The following IL19 variants were observed in gnomAD, a reference collection of about 807,000 sequenced individuals.
The protein encoded by IL19 is interleukin 19.
Under a neutral mutation model 19.5 loss-of-function variants are expected in IL19, and 15 were observed. The observed-to-expected ratio is 0.77, with a 90% CI of 0.52 to 1.19. The LOEUF is 1.19. IL19 is among the 50% of genes most tolerant of loss of function. The probability of loss-of-function intolerance (pLI) is 0.00; values close to 1 mark genes in which losing one functional copy is unlikely to be tolerated. For missense variants in IL19, 199 were observed against 213.1 expected, an observed-to-expected ratio of 0.93 and a Z score of 0.41; for synonymous variants, 78 against 78.3, an observed-to-expected ratio of 1.00 and a Z score of 0.02.
intron 1 of IL19, among the ~76,000 whole-genome samples, chr1:206,777,870 G>A (rs1359352543): frequency 6.6e-6 from 1 of 152,228 alleles, no homozygotes; most frequent in Non-Finnish European, 1.5e-5. Context: ...CCTCGAATAA[G>A]CTTCCTCAGC....
At chr1:206,796,868 A>T (rs1675537379) in intron 1 of IL19, among the ~76,000 whole-genome samples, 1 of 152,148 alleles carries the variant, frequency 6.6e-6, no homozygotes, top group African/African-American at 2.4e-5. Flanking sequence ...TTCCTCCACC[A>T]TTCTGGGAGG....
Position 206,836,692 on chromosome 1 carries a change from C to A in IL19, c.30C>A (p.Leu10=). 1 of 1,612,766 alleles carries A rather than the reference C, an allele frequency of 6.2e-7. No individual in the cohort carries two copies. Among genetic ancestry groups the A allele is most frequent in the East Asian group, 2.2e-5 (1 of 44,868 alleles). Residue 10 remains leucine, a synonymous_variant, in exon 3 of 7, where the codon CTC becomes CTA. Transcript: ENST00000659997. ...AGTTACAGTGTGTTTCCCTTTGGCT[C>A]CTGGGTACAATACTGATATTGTGCT... MKLQCVSLW[L]LGTILILCSV...
In IL19 at chr1:206,842,726, C is replaced by T. The variant is rs1407709616; in HGVS notation, c.*104C>T. The T allele has an allele frequency of 6.0e-6, 4 of 666,418 alleles. No homozygotes were observed. The highest frequency in any genetic ancestry group is 2.8e-5 in the East Asian group (1 of 35,346). The allele number at this position is 666,418 out of a possible 1,614,324, so 41.3% of individuals were successfully genotyped here. ...GGAAGGAGATGGGGAAGGCCCCTTG[C>T]AGCTGAAAGTCCCACTGGCTGGCCT... On this transcript the variant is annotated 3_prime_UTR_variant, in exon 7 of 7. Coordinates refer to ENST00000659997, the MANE Select transcript of IL19 (RefSeq NM_153758.5).
At chr1:206,806,568 G>T (rs1212286744) in intron 2 of IL19, among the ~76,000 whole-genome samples, 1 of 152,158 alleles carries the variant, frequency 6.6e-6, no homozygotes, top group Non-Finnish European at 1.5e-5. Context: ...TAGGTAAATT[G>T]TCACTCATAA....
At chr1:206,776,791 C>T (rs908214824) in intron 1 of IL19, among the ~76,000 whole-genome samples, 2 of 151,090 alleles carry the variant, frequency 1.3e-5, no homozygotes, top group African/African-American at 2.4e-5. Context: ...GAGAGCACAG[C>T]GGGAGGGACA....
intron 1 of IL19, among the ~76,000 whole-genome samples, chr1:206,774,133 G>A (rs994467566): frequency 1.3e-5 from 2 of 152,236 alleles, no homozygotes; most frequent in Non-Finnish European, 2.9e-5. Flanking sequence ...CCCAGCCAGC[G>A]TGAAGTGAGT....
chr1:206,822,104 G>A (rs952019868), intron 2 of IL19, among the ~76,000 whole-genome samples: 6 of 152,136 alleles, frequency 3.9e-5, no homozygotes, highest in African/African-American at 1.4e-4. Context: ...TGGGGGTTCT[G>A]GGCTAAGCCT....
rs180815838 is a variant in IL19 at position 206,823,890 on chromosome 1, C to T, written c.-2-12771C>T. Among the ~76,000 whole-genome samples the T allele has an allele frequency of 2.0e-5, 3 of 152,310 alleles. No individual in the cohort carries two copies. The East Asian group carries it at 5.8e-4, about 29-fold the overall frequency. ...ACAGGATGTTCCTGCCAAGGGAATT[C>T]TCAAAGCTCAAAGCCATGGGGGTGG... is the stretch of plus-strand genomic sequence containing the variant. On this transcript the variant is annotated intron_variant, in intron 2 of 6. Transcript: ENST00000659997.
Position 206,785,061 on chromosome 1 carries a change from C to T in IL19, c.-148-13800C>T, listed in dbSNP as rs141280554. ...TTGAAGTATTAAAGTCCCCCAATGCCTCCATTGTATCCCATGGGAAAAGGC... is the reference window on the plus strand; with the variant it reads ...TTGAAGTATTAAAGTCCCCCAATGCTTCCATTGTATCCCATGGGAAAAGGC... On this transcript the variant is annotated intron_variant, in intron 1 of 6. Coordinates refer to ENST00000659997, the MANE Select transcript of IL19 (RefSeq NM_153758.5). Among the ~76,000 whole-genome samples, 58 of 152,328 alleles carry T rather than the reference C, an allele frequency of 3.8e-4. 1 individual carries two copies. The South Asian group carries it at 1.0e-2, about 26-fold the overall frequency.
intron 2 of IL19, among the ~76,000 whole-genome samples, chr1:206,814,127 A>G (rs1003395581): frequency 1.3e-5 from 2 of 152,130 alleles, no homozygotes; most frequent in Non-Finnish European, 2.9e-5. Flanking sequence ...ATTTGCATAT[A>G]TTTAAAAAAC....
intron 1 of IL19, 190 bp downstream of exon 1, chr1:206,771,268 C>G (rs1171984339): frequency 1.5e-6 from 2 of 1,325,124 alleles, no homozygotes; most frequent in African/African-American, 1.4e-5. Flanking sequence ...GCGAAGGAAA[C>G]AAACCCAATT....
At chr1:206,834,705 C>T (rs1456385880) in intron 2 of IL19, among the ~76,000 whole-genome samples, 1 of 152,156 alleles carries the variant, frequency 6.6e-6, no homozygotes, top group Non-Finnish European at 1.5e-5. Flanking sequence ...AATGTGTTAT[C>T]ATTGTTTAAT....
At chr1:206,841,560 G>A (rs1558625015) in intron 6 of IL19, among the ~76,000 whole-genome samples, 1 of 152,230 alleles carries the variant, frequency 6.6e-6, no homozygotes, top group African/African-American at 2.4e-5. Flanking sequence ...TTTCTCATGA[G>A]CATCAGTTCA....
At chr1:206,839,702 G>T in intron 4 of IL19, 148 bp from the exon 5 acceptor site, 1 of 695,290 alleles carries the variant, frequency 1.4e-6, no homozygotes, top group Non-Finnish European at 2.5e-6. Flanking sequence ...GGGAATAAGA[G>T]AGGATGAACA....
intron 6 of IL19, among the ~76,000 whole-genome samples, chr1:206,841,815 G>C (rs1185713763): frequency 2.0e-5 from 3 of 152,144 alleles, no homozygotes; most frequent in Admixed American, 2.0e-4. Context: ...ACACACATTC[G>C]TCCTTCCCAA....
chr1:206,831,713 CA>C (rs1192023401), intron 2 of IL19, among the ~76,000 whole-genome samples: 1 of 152,198 alleles, frequency 6.6e-6, no homozygotes, highest in Non-Finnish European at 1.5e-5. Context: ...TACCATTTTA[CA>C]GATGAGTAAA....
intron 1 of IL19, among the ~76,000 whole-genome samples, chr1:206,792,027 G>A (rs952805494): frequency 2.0e-5 from 3 of 152,158 alleles, no homozygotes; most frequent in African/African-American, 7.2e-5. Flanking sequence ...CAACATTTAA[G>A]ATGGGCAGTG....
intron 2 of IL19, among the ~76,000 whole-genome samples, chr1:206,802,797 G>A (rs1317323922): frequency 1.3e-5 from 2 of 151,756 alleles, no homozygotes; most frequent in South Asian, 2.1e-4. Context: ...ATGCCCACAT[G>A]TATAGAACTG....
At chr1:206,801,483 C>G (rs867345929) in intron 2 of IL19, among the ~76,000 whole-genome samples, 32 of 152,250 alleles carry the variant, frequency 2.1e-4, no homozygotes, top group Non-Finnish European at 2.9e-5. Context: ...TGGTCAGCCT[C>G]CAGCACTGTT....
Sources: allele counts gnomAD v4.1 joint callset (sites outside exome capture counted in the v4.1 genomes callset), GRCh38; gene constraint gnomAD v4.1.1; transcripts MANE v1.5; gene names NCBI Gene and HGNC (gene_info 2026-07-23, HGNC 2026-07-21).